ZMYM6: variants seen among roughly 807,000 people sequenced by gnomAD.
ZMYM6 encodes zinc finger MYM-type containing 6, also known as zinc finger MYM-type protein 6.
A neutral mutation model predicts 134.0 loss-of-function variants in ZMYM6; 90 were observed. That is an observed-to-expected ratio of 0.67 (90% CI 0.57 to 0.80). The LOEUF is 0.80. Ranked by LOEUF, ZMYM6 falls within the 30% of genes least tolerant of loss-of-function variation. The pLI is 0.00. For synonymous variants in ZMYM6, 481 were observed against 524.1 expected (o/e 0.92, Z 1.12); for missense variants, 1,362 against 1,533.9 (o/e 0.89, Z 1.87).
intron 8 of ZMYM6, 115 bp downstream of exon 8, chr1:35,011,775 T>C (rs1641091133): frequency 8.6e-6 from 6 of 698,962 alleles, no homozygotes; most frequent in Admixed American, 8.2e-5. Flanking sequence ...AACAAATTTT[T>C]TTCTTTTTAA....
chr1:35,019,692 T>G, intron 3 of ZMYM6, 90 bp from the exon 4 acceptor site: 1 of 1,414,420 alleles, frequency 7.1e-7, no homozygotes, highest in Non-Finnish European at 9.3e-7. Context: ...TTTCTTTTTC[T>G]GAGACACGGT....
intron 14 of ZMYM6, among the ~76,000 whole-genome samples, chr1:34,993,637 T>TG (rs1440922898): frequency 6.6e-6 from 1 of 152,154 alleles, no homozygotes; most frequent in Non-Finnish European, 1.5e-5. Context: ...TGGACATCTT[T>TG]GGGGGGCTAC....
chr1:35,025,254 C>A (rs1013948681), intron 2 of ZMYM6, among the ~76,000 whole-genome samples: 1 of 151,172 alleles, frequency 6.6e-6, no homozygotes, highest in Admixed American at 6.6e-5. Flanking sequence ...GAGGCCGAGG[C>A]AGGTAGAGTT....
In ZMYM6 at chr1:35,019,424, T is replaced by C. The variant is rs767315203; in HGVS notation, c.357A>G (p.Arg119=). 1 of 1,614,144 alleles carries C rather than the reference T, an allele frequency of 6.2e-7. No individual in the cohort carries two copies. The highest frequency in any genetic ancestry group is 8.5e-7 in the Non-Finnish European group (1 of 1,180,028). ...CAGGTGAAGAATGTCTGGTGATGCA[T>C]CGTGTGGAGCAGAAGAGCTGAGTAG... ...TGSTQLFCST[R]CITRHSSPAC... Residue 119 remains arginine, a synonymous_variant, in exon 4 of 16, where the codon CGA becomes CGG. Coordinates refer to ENST00000357182, the MANE Select transcript of ZMYM6 (RefSeq NM_007167.4).
chr1:35,000,580 T>C (rs1640863434), intron 14 of ZMYM6, among the ~76,000 whole-genome samples: 1 of 152,090 alleles, frequency 6.6e-6, no homozygotes, highest in African/African-American at 2.4e-5. Context: ...CGATCTAATG[T>C]TCATCAATAG....
At chr1:34,999,761 T>C (rs567197607) in intron 14 of ZMYM6, among the ~76,000 whole-genome samples, 1 of 152,204 alleles carries the variant, frequency 6.6e-6, no homozygotes, top group East Asian at 1.9e-4. Flanking sequence ...CACTAAATGA[T>C]GGTGAGGCTG....
chr1:35,005,159 T>C lies in ZMYM6; in HGVS notation c.1927A>G (p.Thr643Ala). ...TTTAAAACACTGTTAGTGTTCCCTG[T>C]AGATAAGGTAGCAGGTATTTTTGCC... ...SLAKIPATLS[T>A]GNTNSVLKGA... Residue 643 changes from threonine to alanine, a missense_variant, in exon 13 of 16, where the codon ACA becomes GCA. This residue lies in a region of ZMYM6 where 824 missense variants were observed against 940.9 expected (regional missense o/e 0.88). Transcript: ENST00000357182. 1.9e-6 allele frequency: 3 copies of C among 1,614,176 alleles called. No homozygotes were observed. The highest frequency in any genetic ancestry group is 2.2e-5 in the South Asian group (2 of 91,080).
rs1641149336 is a variant in ZMYM6 at position 35,014,694 on chromosome 1, T to C, written c.795+3A>G. On this transcript the variant is annotated splice_donor_region_variant and intron_variant, in intron 6 of 15. Coordinates refer to ENST00000357182, the MANE Select transcript of ZMYM6 (RefSeq NM_007167.4). Reference sequence around the variant, plus strand: ...AGTACATGCAACAAATAGATATTCATACCTGCTTGTATGCCGTGACACTTG... The same window carrying C: ...AGTACATGCAACAAATAGATATTCACACCTGCTTGTATGCCGTGACACTTG... 1 of 1,612,628 alleles carries C rather than the reference T, an allele frequency of 6.2e-7. No individual in the cohort carries two copies. Among genetic ancestry groups the C allele is most frequent in the African/African-American group, 1.3e-5 (1 of 74,882 alleles).
At chr1:35,029,119 G>C (rs576008559) in intron 2 of ZMYM6, among the ~76,000 whole-genome samples, 1 of 152,226 alleles carries the variant, frequency 6.6e-6, no homozygotes, top group Admixed American at 6.5e-5. Context: ...TTGAACCCGG[G>C]ATGTGAAAGT....
chr1:34,996,416 T>C (rs544675395), intron 14 of ZMYM6, among the ~76,000 whole-genome samples: 12 of 152,352 alleles, frequency 7.9e-5, no homozygotes, highest in African/African-American at 2.6e-4. Context: ...TTAACAGATG[T>C]GCCAAAAAAT....
Position 34,987,107 on chromosome 1 carries a change from C to A in ZMYM6, c.3975G>T (p.Glu1325Asp). The change falls in exon 16 of 16, where the codon GAG becomes GAT. Residue 1325 changes from glutamate (E) to aspartate (D), a missense_variant. By Grantham distance (45) the Glu-to-Asp change is conservative (BLOSUM62 2). Coordinates refer to ENST00000357182, the MANE Select transcript of ZMYM6 (RefSeq NM_007167.4). ...CTGTTAAGCAATGTGCATATTGCTA[C>A]TCTTTCTCCTTCACTAATTTTTCTA... ...PRIEKLVKEK[E>D] The A allele has an allele frequency of 6.5e-7, 1 of 1,549,880 alleles. No homozygotes were observed.
At chr1:35,017,117 T>C (rs904543360) in intron 4 of ZMYM6, 1 of 152,220 alleles carries the variant, frequency 6.6e-6, no homozygotes, top group African/African-American at 2.4e-5. Flanking sequence ...GTCATATTGC[T>C]AGTAGGCAAT....
rs150977790 is a variant in ZMYM6, at chr1:35,025,000, C to T, written c.94-4533G>A. Among the ~76,000 whole-genome samples, 86 of 152,200 alleles carry T rather than the reference C, an allele frequency of 5.7e-4. No individual in the cohort carries two copies. In the Middle Eastern group the frequency reaches 0.014, roughly 24 times the overall value. On this transcript the variant is annotated intron_variant, in intron 2 of 15. Coordinates refer to ENST00000357182, the MANE Select transcript of ZMYM6 (RefSeq NM_007167.4). The stretch of plus-strand genomic sequence containing the variant: ...TCTCCTGCCTCAGCCTCCCCAGTAG[C>T]TGAGATCACAGGCATGTGCCACGAA...
intron 6 of ZMYM6, chr1:35,012,839 T>C (rs2148454210): frequency 1.0e-6 from 1 of 985,392 alleles, no homozygotes; most frequent in South Asian, 4.7e-5. Flanking sequence ...AAGTAATGAA[T>C]TAAATAGTCA....
At chr1:35,015,743 A>AATATATATATATATAT (rs35800399) in intron 4 of ZMYM6, among the ~76,000 whole-genome samples, 10 of 106,454 alleles carry the variant, frequency 9.4e-5, no homozygotes, top group African/African-American at 5.3e-4. Flanking sequence ...AAAAAAAAAA[A>AATATATATATATATAT]ATATATATAT....
chr1:34,990,420 T>A, intron 15 of ZMYM6: 1 of 166,134 alleles, frequency 6.0e-6, no homozygotes, highest in South Asian at 1.3e-4. Flanking sequence ...CAGGTGGAGG[T>A]TGCAGTGAGC....
Position 34,987,441 on chromosome 1 carries a change from C to T in ZMYM6, c.3641G>A (p.Trp1214Ter). Reference protein sequence around the residue: ...PEQDLRSGNLWIIHPFMNHQN... With the variant: ...PEQDLRSGNL ...GTGATTCATAAAAGGGTGAATTATC[C>T]ACAAATTTCCTGAACGCAAGTCTTG... Residue 1214 changes from tryptophan (W) to a stop codon, truncating the protein, a stop_gained, in exon 16 of 16, where the codon TGG becomes TAG. Coordinates refer to ENST00000357182, the MANE Select transcript of ZMYM6 (RefSeq NM_007167.4). LOFTEE classifies it high-confidence loss of function. 6.2e-7 allele frequency: 1 copy of T among 1,613,856 alleles called. No homozygotes were observed. Among genetic ancestry groups the T allele is most frequent in the Non-Finnish European group, 8.5e-7 (1 of 1,179,942 alleles).
chr1:34,989,243 CAAT>C, intron 15 of ZMYM6: 1 of 1,066,922 alleles, frequency 9.4e-7, no homozygotes, highest in Non-Finnish European at 1.1e-6. Flanking sequence ...ATCAAATTAA[CAAT>C]AAACTTTTTG....
rs1352703601 is a variant in ZMYM6 at position 35,013,302 on chromosome 1, T to C, written c.796-721A>G. 4 of 906,860 alleles carry C rather than the reference T, an allele frequency of 4.4e-6. No homozygotes were observed. In the East Asian group the frequency reaches 3.5e-4, roughly 80 times the overall value. The allele number at this position is 906,860 out of a possible 1,614,324, so 56.2% of individuals were successfully genotyped here. On this transcript the variant is annotated intron_variant, in intron 6 of 15. Transcript: ENST00000357182. ...GAAGAAGTAGGAAATTAAACTCATT[T>C]CATCAGGCTCCAAAGTTCAGGCTCC...
Sources: gnomAD v4.1 joint callset for allele counts (sites outside exome capture counted in the v4.1 genomes callset) on GRCh38, gnomAD v4.1.1 for gene constraint, gnomAD v4.1.1 regional missense constraint, MANE v1.5 for transcripts, NCBI Gene and HGNC (gene_info 2026-07-23, HGNC 2026-07-21) for gene names.